Variants in UNC5C observed in about 807,000 individuals in gnomAD.
UNC5C encodes the protein unc-5 netrin receptor C.
A neutral mutation model predicts 99.8 loss-of-function variants in UNC5C; 47 were observed. The observed-to-expected ratio is 0.47, with a 90% CI of 0.37 to 0.60. The LOEUF is 0.60. Among genes scored for constraint, UNC5C ranks in the 20% least tolerant of loss-of-function variants. The pLI is 0.00. For synonymous variants in UNC5C, 487 were observed against 452.2 expected, an observed-to-expected ratio of 1.08 and a Z score of -0.98; for missense variants, 1,062 against 1,165.9, an observed-to-expected ratio of 0.91 and a Z score of 1.30.
rs891588570 is a variant in UNC5C, at chr4:95,190,143, C to T, written c.2137-4947G>A. Among the ~76,000 whole-genome samples, 26 of 152,140 alleles carry T rather than the reference C, an allele frequency of 1.7e-4. No homozygotes were observed. The East Asian group carries it at 3.3e-3, about 19-fold the overall frequency. On this transcript the variant is annotated intron_variant, in intron 12 of 15. Coordinates refer to ENST00000453304, the MANE Select transcript of UNC5C (RefSeq NM_003728.4). Reference sequence around the variant, plus strand: ...AAAGAAAATGTGGCACATATACACACGAAATACTATGCAGCCATAAAAAAT... The same window carrying T: ...AAAGAAAATGTGGCACATATACACATGAAATACTATGCAGCCATAAAAAAT...
chr4:95,268,003 G>C (rs1445846596), intron 4 of UNC5C, among the ~76,000 whole-genome samples: 2 of 137,818 alleles, frequency 1.5e-5, no homozygotes, highest in Admixed American at 1.5e-4. Context: ...AGGCTGGAGT[G>C]CAGTGGCGCG....
chr4:95,358,543 T>A (rs1392706940), intron 1 of UNC5C, among the ~76,000 whole-genome samples: 1 of 152,188 alleles, frequency 6.6e-6, no homozygotes, highest in African/African-American at 2.4e-5. Context: ...GAAATCACAA[T>A]ACTTGACACC....
At chr4:95,229,165 C>T (rs1738806652) in intron 7 of UNC5C, among the ~76,000 whole-genome samples, 2 of 152,172 alleles carry the variant, frequency 1.3e-5, no homozygotes, top group Non-Finnish European at 1.5e-5. Flanking sequence ...TTCTGAGATA[C>T]ATGTGCAGAA....
At chr4:95,439,645 A>G (rs265015) in intron 1 of UNC5C, among the ~76,000 whole-genome samples, 136,750 of 152,150 alleles carry the variant, frequency 0.9, 61,658 homozygotes, top group Admixed American at 0.94. Flanking sequence ...ATCATTTCCC[A>G]AAGTGCATTC....
At position 95,168,660 on chromosome 4, in the gene UNC5C, C is replaced by T. The variant is rs1735955276; in HGVS notation, c.*574G>A. 6.5e-6 allele frequency: 1 copy of T among 152,870 alleles called. No homozygotes were observed. The highest frequency in any genetic ancestry group is 2.4e-5 in the African/African-American group (1 of 41,544). 9.5% of individuals were successfully genotyped at this position (152,870 alleles called of 1,614,324 possible). ...CCTGATACAAACAGTAACACTGGTT[C>T]TACAAGTTCTAGAAACAGAACACTG... On this transcript the variant is annotated 3_prime_UTR_variant, in exon 16 of 16. Transcript: ENST00000453304.
intron 1 of UNC5C, among the ~76,000 whole-genome samples, chr4:95,454,736 T>C (rs1324644796): frequency 1.3e-5 from 2 of 152,134 alleles, no homozygotes; most frequent in Admixed American, 1.3e-4. Context: ...GGTTCTTCAC[T>C]AAGTGTTCTA....
At chr4:95,478,840 T>A (rs2149476961) in intron 1 of UNC5C, among the ~76,000 whole-genome samples, 1 of 151,758 alleles carries the variant, frequency 6.6e-6, no homozygotes, top group African/African-American at 2.4e-5. Context: ...TGGGAGTGGA[T>A]CTCTCATCAA....
intron 1 of UNC5C, among the ~76,000 whole-genome samples, chr4:95,354,675 G>A (rs1744116028): frequency 6.6e-6 from 1 of 151,634 alleles, no homozygotes; most frequent in Admixed American, 6.6e-5. Context: ...TAGAGATGGG[G>A]TCATGCTATG....
At chr4:95,237,760 T>G (rs748987016) in intron 7 of UNC5C, among the ~76,000 whole-genome samples, 1 of 152,128 alleles carries the variant, frequency 6.6e-6, no homozygotes, top group Admixed American at 6.6e-5. Context: ...AAATAAATAC[T>G]GAACAGACCC....
chr4:95,508,039 A>G (rs535276896), intron 1 of UNC5C, among the ~76,000 whole-genome samples: 5 of 152,136 alleles, frequency 3.3e-5, no homozygotes, highest in Non-Finnish European at 7.4e-5. Context: ...GGTTTATTGG[A>G]AAAGCCTCCT....
intron 1 of UNC5C, among the ~76,000 whole-genome samples, chr4:95,415,580 T>A (rs556469022): frequency 8.5e-5 from 13 of 152,316 alleles, no homozygotes; most frequent in Admixed American, 5.9e-4. Flanking sequence ...CTCTGGTCAC[T>A]ATTTACACAC....
intron 12 of UNC5C, among the ~76,000 whole-genome samples, chr4:95,193,799 T>G (rs1043246250): frequency 2.0e-5 from 3 of 152,094 alleles, no homozygotes; most frequent in African/African-American, 7.2e-5. Flanking sequence ...TGTCCCCTCC[T>G]CTCCGGCTTG....
chr4:95,547,351 G>T (rs1723097269), intron 1 of UNC5C, among the ~76,000 whole-genome samples: 1 of 151,896 alleles, frequency 6.6e-6, no homozygotes, highest in Non-Finnish European at 1.5e-5. Flanking sequence ...CACCCAGACC[G>T]CACTCCTATG....
intron 1 of UNC5C, among the ~76,000 whole-genome samples, chr4:95,357,144 T>TTTA (rs1744236012): frequency 6.6e-6 from 1 of 151,784 alleles, no homozygotes; most frequent in South Asian, 2.1e-4. Flanking sequence ...TGTTTTTTTT[T>TTTA]TTATTTAAAG....
chr4:95,444,850 A>C (rs1289351136), intron 1 of UNC5C, among the ~76,000 whole-genome samples: 1 of 152,126 alleles, frequency 6.6e-6, no homozygotes, highest in Non-Finnish European at 1.5e-5. Context: ...GCTTCCATTA[A>C]AAAAAATTAA....
chr4:95,185,186 T>A lies in UNC5C; in HGVS notation c.2147A>T (p.His716Leu). Residue 716 changes from histidine (H) to leucine (L), a missense_variant, in exon 13 of 16, where the codon CAT becomes CTT. By Grantham distance (99) the His-to-Leu change is moderately conservative. This residue lies in a region of UNC5C where 810 missense variants were observed against 854.5 expected (regional missense o/e 0.95). Transcript: ENST00000453304. ...DTQDALKEIL[H>L]LERQMGGQLL... ...CTGTCCTCCCATCTGTCTCTCAAGATGTAAAATTTCCTATAATGACATGCC... is the reference window on the plus strand; with the variant it reads ...CTGTCCTCCCATCTGTCTCTCAAGAAGTAAAATTTCCTATAATGACATGCC... 6.2e-7 allele frequency: 1 copy of A among 1,607,010 alleles called. No individual in the cohort carries two copies. Among genetic ancestry groups the A allele is most frequent in the Non-Finnish European group, 8.5e-7 (1 of 1,177,968 alleles).
At chr4:95,308,406 G>C (rs1000372533) in intron 2 of UNC5C, among the ~76,000 whole-genome samples, 5 of 151,816 alleles carry the variant, frequency 3.3e-5, no homozygotes, top group African/African-American at 1.2e-4. Context: ...AGAGATGAAA[G>C]AGCTGTACAC....
chr4:95,401,235 G>A (rs925634543), intron 1 of UNC5C, among the ~76,000 whole-genome samples: 1 of 151,942 alleles, frequency 6.6e-6, no homozygotes, highest in Non-Finnish European at 1.5e-5. Flanking sequence ...AACTTCAGGG[G>A]GGTATTAAAG....
intron 1 of UNC5C, among the ~76,000 whole-genome samples, chr4:95,358,970 G>T (rs1744299304): frequency 6.6e-6 from 1 of 152,162 alleles, no homozygotes; most frequent in Non-Finnish European, 1.5e-5. Flanking sequence ...AAGGACTCTG[G>T]CTATGCTTAA....
Sources: gnomAD v4.1 joint callset for allele counts (sites outside exome capture counted in the v4.1 genomes callset) on GRCh38, gnomAD v4.1.1 for gene constraint, gnomAD v4.1.1 regional missense constraint, MANE v1.5 for transcripts, NCBI Gene and HGNC (gene_info 2026-07-23, HGNC 2026-07-21) for gene names.